IL36B: variants seen among roughly 807,000 people sequenced by gnomAD.
IL36B encodes interleukin-36 beta.
Under a neutral mutation model 19.3 loss-of-function variants are expected in IL36B, and 23 were observed. That is an observed-to-expected ratio of 1.19 (90% CI 0.86 to 1.69). The LOEUF (loss-of-function observed/expected upper bound fraction) is 1.69. Among genes scored for constraint, IL36B ranks in the 40% most tolerant of loss-of-function variants. IL36B has a pLI of 0.00. For synonymous variants in IL36B, 59 were observed against 59.7 expected, an observed-to-expected ratio of 0.99 and a Z score of 0.05; for missense variants, 217 against 200.5, an observed-to-expected ratio of 1.08 and a Z score of -0.50.
chr2:113,045,263 G>T (rs1685330653), intron 1 of IL36B, among the ~76,000 whole-genome samples: 1 of 152,020 alleles, frequency 6.6e-6, no homozygotes, highest in African/African-American at 2.4e-5. Context: ...AATTGACAAT[G>T]TTTTTTTCAG....
At chr2:113,051,192 C>T (rs563207426) in intron 1 of IL36B, among the ~76,000 whole-genome samples, 17 of 152,318 alleles carry the variant, frequency 1.1e-4, no homozygotes, top group Admixed American at 1.1e-3. Context: ...GAGAATGGAG[C>T]TCAGCCAGTG....
chr2:113,024,146 G>A (rs974020701), intron 5 of IL36B, among the ~76,000 whole-genome samples: 3 of 152,142 alleles, frequency 2.0e-5, no homozygotes, highest in Non-Finnish European at 2.9e-5. Context: ...AGTGTCACAC[G>A]GGTAAACTCC....
intron 5 of IL36B, among the ~76,000 whole-genome samples, chr2:113,023,356 A>G (rs1046910216): frequency 6.6e-5 from 10 of 152,226 alleles, no homozygotes; most frequent in African/African-American, 2.4e-4. Context: ...CTACATGGTG[A>G]GTTTGGAGAA....
rs758341525 is a variant in IL36B at position 113,031,697 on chromosome 2, G to C, written c.13C>G (p.Arg5Gly). The change falls in exon 2 of 6, where the codon CGG (arginine) becomes GGG (glycine). Residue 5 changes from arginine to glycine, a missense_variant and splice_region_variant. Arg to Gly is a moderately radical substitution (Grantham distance 125, BLOSUM62 -2). Coordinates refer to ENST00000259213, the MANE Select transcript of IL36B (RefSeq NM_014438.5). ...AGCTGATTTGCAATTCACCACTTAC[G>C]TTGTGGGTTCATGATGTCTTCAGAG... The C allele has an allele frequency of 6.2e-7, 1 of 1,610,226 alleles. No individual in the cohort carries two copies. Among genetic ancestry groups the C allele is most frequent in the East Asian group, 2.2e-5 (1 of 44,846 alleles).
At chr2:113,037,804 G>C (rs892816418) in intron 1 of IL36B, among the ~76,000 whole-genome samples, 1 of 152,020 alleles carries the variant, frequency 6.6e-6, no homozygotes, top group Admixed American at 6.5e-5. Flanking sequence ...TAGGCAATTG[G>C]CCTTAATAAC....
At chr2:113,034,894 G>A (rs1427678807) in intron 1 of IL36B, among the ~76,000 whole-genome samples, 14 of 152,176 alleles carry the variant, frequency 9.2e-5, no homozygotes, top group Admixed American at 9.2e-4. Flanking sequence ...TTGGCTCCTT[G>A]GCCAGGGCAG....
At chr2:113,025,007 A>G (rs904450362) in intron 5 of IL36B, among the ~76,000 whole-genome samples, 9 of 152,298 alleles carry the variant, frequency 5.9e-5, no homozygotes, top group East Asian at 1.9e-4. Context: ...TTGTGCCCCT[A>G]TGCTGTTGTG....
At chr2:113,026,055 T>A in intron 5 of IL36B, 1 of 1,599,816 alleles carries the variant, frequency 6.3e-7, no homozygotes, top group Non-Finnish European at 8.5e-7. Context: ...AATGAACGCA[T>A]CTCAGAATTG....
intron 5 of IL36B, chr2:113,022,862 G>A (rs1684887679): frequency 5.9e-6 from 5 of 854,442 alleles, no homozygotes; most frequent in Non-Finnish European, 9.7e-6. Context: ...TAAAAGGGCA[G>A]ATTCTACACG....
chr2:113,032,841 T>C lies in IL36B; in HGVS notation c.-57-1075A>G, dbSNP rs143701388. Among the ~76,000 whole-genome samples the C allele has an allele frequency of 3.0e-3, 454 of 152,302 alleles. 1 individual carries two copies. Among genetic ancestry groups the C allele is most frequent in the African/African-American group, 0.011 (438 of 41,570 alleles). On this transcript the variant is annotated intron_variant, in intron 1 of 5. Transcript: ENST00000259213. ...AAAGCTGATATGGCCCAAAGATCTC[T>C]TGAGGCTCTGGAGGACTGACAGTGG...
intron 1 of IL36B, among the ~76,000 whole-genome samples, chr2:113,048,398 C>T (rs1037021446): frequency 1.3e-5 from 2 of 152,124 alleles, no homozygotes; most frequent in Non-Finnish European, 1.5e-5. Context: ...ACTGAGATCT[C>T]GCCACTGCTC....
At chr2:113,032,133 CTGTGTGTGTGTGTG>C (rs56385654) in intron 1 of IL36B, among the ~76,000 whole-genome samples, 20 of 143,920 alleles carry the variant, frequency 1.4e-4, no homozygotes, top group Admixed American at 6.2e-4. Context: ...GTGTGTGTGT[CTGTGTGTGTGTGTG>C]TGTGTGTGTG....
At chr2:113,052,668 G>C (rs925216256) in intron 1 of IL36B, 149 bp downstream of exon 1, 4 of 152,224 alleles carry the variant, frequency 2.6e-5, no homozygotes, top group African/African-American at 7.2e-5. Context: ...CACTCATTAC[G>C]CCAGTCTGTT....
At chr2:113,034,919 G>A (rs1685140645) in intron 1 of IL36B, among the ~76,000 whole-genome samples, 2 of 152,216 alleles carry the variant, frequency 1.3e-5, no homozygotes, top group African/African-American at 4.8e-5. Context: ...TGGTGAGGGA[G>A]TTCAGGGAGA....
At chr2:113,043,280 T>G (rs1353635421) in intron 1 of IL36B, among the ~76,000 whole-genome samples, 2 of 152,318 alleles carry the variant, frequency 1.3e-5, no homozygotes, top group East Asian at 1.9e-4. Flanking sequence ...AATTTTTGTT[T>G]TTAATAAAGT....
chr2:113,033,491 G>A (rs902496630), intron 1 of IL36B, among the ~76,000 whole-genome samples: 6 of 152,164 alleles, frequency 3.9e-5, no homozygotes, highest in South Asian at 2.1e-4. Flanking sequence ...CACCCGCCTC[G>A]GCCTCCCAAA....
intron 4 of IL36B, among the ~76,000 whole-genome samples, chr2:113,028,586 C>T (rs1045169439): frequency 1.3e-5 from 2 of 152,198 alleles, no homozygotes; most frequent in African/African-American, 4.8e-5. Flanking sequence ...TTTTTGTCTC[C>T]TCTGCTGTGC....
chr2:113,028,506 C>T (rs1351786279), intron 4 of IL36B, among the ~76,000 whole-genome samples: 1 of 152,214 alleles, frequency 6.6e-6, no homozygotes, highest in African/African-American at 2.4e-5. Flanking sequence ...GAATTAGCTT[C>T]ATAACTACAA....
At chr2:113,048,230 G>C (rs1236759815) in intron 1 of IL36B, among the ~76,000 whole-genome samples, 6 of 152,162 alleles carry the variant, frequency 3.9e-5, no homozygotes, top group Non-Finnish European at 8.8e-5. Context: ...TGGCCAACAT[G>C]GTGAAACCCT....
Sources: gnomAD v4.1 joint callset for allele counts (sites outside exome capture counted in the v4.1 genomes callset) on GRCh38, gnomAD v4.1.1 for gene constraint, MANE v1.5 for transcripts, NCBI Gene and HGNC (gene_info 2026-07-23, HGNC 2026-07-21) for gene names.